The following MYO5B variants were observed in gnomAD, a reference collection of about 807,000 sequenced individuals.
MYO5B encodes the protein myosin VB.
In MYO5B, 143 loss-of-function variants were observed where a neutral mutation model predicts 229.3. The ratio of observed to expected loss-of-function variants is 0.62; its 90% CI spans 0.54 to 0.72. The LOEUF (loss-of-function observed/expected upper bound fraction) is 0.72. Among genes scored for constraint, MYO5B ranks in the 30% least tolerant of loss-of-function variants. The pLI, the probability that MYO5B is intolerant of heterozygous loss-of-function variation, is 0.00. For missense variants in MYO5B, 2,321 were observed against 2,331.0 expected (o/e 1.00, Z 0.09); for synonymous variants, 918 against 885.2 (o/e 1.04, Z -0.66).
chr18:50,097,022 C>G (rs764133107), intron 1 of MYO5B, among the ~76,000 whole-genome samples: 8 of 152,240 alleles, frequency 5.3e-5, no homozygotes, highest in Non-Finnish European at 8.8e-5. Context: ...GAAACCAACA[C>G]TGCAGCATGC....
chr18:49,889,302 G>A (rs192863166), intron 22 of MYO5B, among the ~76,000 whole-genome samples: 1 of 152,200 alleles, frequency 6.6e-6, no homozygotes, highest in Non-Finnish European at 1.5e-5. Context: ...GACTTCAGGA[G>A]CACCTTTAAA....
chr18:50,165,223 A>T (rs1440514771), intron 1 of MYO5B, among the ~76,000 whole-genome samples: 1 of 151,572 alleles, frequency 6.6e-6, no homozygotes, highest in South Asian at 2.1e-4. Context: ...TCATGCCTGT[A>T]ATCAATCCCA....
chr18:49,918,868 A>T (rs1249153135), intron 17 of MYO5B, among the ~76,000 whole-genome samples: 3 of 152,226 alleles, frequency 2.0e-5, no homozygotes, highest in Non-Finnish European at 4.4e-5. Flanking sequence ...TTGGAAGTGT[A>T]CTAGGGATGG....
At chr18:49,963,207 G>A (rs566659183) in intron 10 of MYO5B, among the ~76,000 whole-genome samples, 177 bp from the exon 11 acceptor site, 122 of 152,142 alleles carry the variant, frequency 8.0e-4, no homozygotes, top group South Asian at 3.3e-3. Flanking sequence ...GAGCCTAATT[G>A]AAGAACATGT....
chr18:50,114,849 C>G (rs1416584655), intron 1 of MYO5B, among the ~76,000 whole-genome samples: 1 of 152,198 alleles, frequency 6.6e-6, no homozygotes, highest in Admixed American at 6.5e-5. Flanking sequence ...AAGCCCATGA[C>G]AGGAGGCAGT....
At position 49,856,810 on chromosome 18, in the gene MYO5B, C is replaced by A. The variant is rs751094648; in HGVS notation, c.4022+3G>T. 2 of 1,611,598 alleles carry A rather than the reference C, an allele frequency of 1.2e-6. No homozygotes were observed. The highest frequency in any genetic ancestry group is 1.7e-6 in the Non-Finnish European group (2 of 1,177,642). ...GACACAGGAAGAAAGGAATATGTTCCACCTGGCAACTTGCTTTAGGCCTTG... is the reference window on the plus strand; with the variant it reads ...GACACAGGAAGAAAGGAATATGTTCAACCTGGCAACTTGCTTTAGGCCTTG... On this transcript the variant is annotated splice_donor_region_variant and intron_variant, in intron 30 of 39. Coordinates refer to ENST00000285039, the MANE Select transcript of MYO5B (RefSeq NM_001080467.3).
chr18:49,933,932 G>T (rs2025221726), intron 16 of MYO5B, among the ~76,000 whole-genome samples: 1 of 152,138 alleles, frequency 6.6e-6, no homozygotes, highest in African/African-American at 2.4e-5. Context: ...CTGGAGTGCA[G>T]TGACACAATC....
At chr18:49,876,042 G>C (rs1167039951) in intron 25 of MYO5B, among the ~76,000 whole-genome samples, 3 of 152,294 alleles carry the variant, frequency 2.0e-5, no homozygotes, top group African/African-American at 7.2e-5. Flanking sequence ...GATAACATCT[G>C]AGTCTCAGCC....
In MYO5B at chr18:50,122,854, A is replaced by C. The variant is rs371171778; in HGVS notation, c.28-67476T>G. On this transcript the variant is annotated intron_variant, in intron 1 of 39. Transcript: ENST00000285039. ...GATGTAGAGAAATTGGAACCCTCAG[A>C]CATCGACTGCTGATGTGAATGTAAA... Among the ~76,000 whole-genome samples the C allele has an allele frequency of 3.9e-5, 6 of 151,948 alleles. No individual in the cohort carries two copies. The East Asian group carries it at 9.6e-4, about 24-fold the overall frequency.
At chr18:50,091,682 T>A (rs1410211926) in intron 1 of MYO5B, among the ~76,000 whole-genome samples, 1 of 152,164 alleles carries the variant, frequency 6.6e-6, no homozygotes, top group African/African-American at 2.4e-5. Context: ...CAGCCATTTG[T>A]TTATCAACTG....
intron 5 of MYO5B, among the ~76,000 whole-genome samples, chr18:50,000,816 T>C (rs1225383477): frequency 1.3e-5 from 2 of 152,332 alleles, no homozygotes; most frequent in Non-Finnish European, 2.9e-5. Flanking sequence ...AAAGATAAGA[T>C]GCCCAAATAC....
chr18:50,037,357 T>G (rs1307220785), intron 3 of MYO5B, among the ~76,000 whole-genome samples: 1 of 152,150 alleles, frequency 6.6e-6, no homozygotes, highest in Non-Finnish European at 1.5e-5. Flanking sequence ...GACTTAAAAA[T>G]CCATCTCAGA....
chr18:49,834,157 G>C lies in MYO5B; in HGVS notation c.5394+1187C>G, dbSNP rs150725047. 1.3e-4 allele frequency among the ~76,000 whole-genome samples: 20 copies of C among 152,124 alleles called. 1 individual carries two copies. The East Asian group carries it at 3.9e-3, about 29-fold the overall frequency. ...CTGGATCTACATTGAAACACTGTAA[G>C]GAGCTCCAAATAAAATCCCAGGAGT... On this transcript the variant is annotated intron_variant, in intron 39 of 39. Transcript: ENST00000285039.
intron 30 of MYO5B, 107 bp from the exon 31 acceptor site, chr18:49,853,754 C>T (rs189071162): frequency 2.1e-4 from 212 of 1,008,734 alleles, no homozygotes; most frequent in Admixed American, 1.1e-3. Context: ...ACAGCAGCAG[C>T]GGTTGCACAT....
In MYO5B at chr18:50,152,653, A is replaced by G. The variant is rs138351625; in HGVS notation, c.27+42114T>C. Among the ~76,000 whole-genome samples, 567 of 152,290 alleles carry G rather than the reference A, an allele frequency of 3.7e-3. 5 individuals are homozygous for G. Among genetic ancestry groups the G allele is most frequent in the African/African-American group, 0.013 (541 of 41,558 alleles). On this transcript the variant is annotated intron_variant, in intron 1 of 39. Coordinates refer to ENST00000285039, the MANE Select transcript of MYO5B (RefSeq NM_001080467.3). ...GAGCAGGTAATCAATTCATACAGCC[A>G]CTAACATGCAGGCCCAACTGGCCTA... is the stretch of plus-strand genomic sequence containing the variant.
chr18:50,087,380 C>T (rs1321205282), intron 1 of MYO5B, among the ~76,000 whole-genome samples: 2 of 151,946 alleles, frequency 1.3e-5, no homozygotes, highest in Non-Finnish European at 2.9e-5. Flanking sequence ...ACCATCCTGG[C>T]TAACACGGTG....
At chr18:49,840,685 A>G (rs992190199) in intron 35 of MYO5B, among the ~76,000 whole-genome samples, 1 of 152,248 alleles carries the variant, frequency 6.6e-6, no homozygotes. Context: ...GAATGGAAAC[A>G]AGCCACATAT....
At chr18:50,018,431 T>C (rs1426459565) in intron 4 of MYO5B, among the ~76,000 whole-genome samples, 2 of 152,202 alleles carry the variant, frequency 1.3e-5, no homozygotes, top group African/African-American at 4.8e-5. Flanking sequence ...CCTTATATGC[T>C]ATAAACTGTC....
chr18:49,916,763 T>C (rs2025020086), intron 17 of MYO5B, among the ~76,000 whole-genome samples: 1 of 152,066 alleles, frequency 6.6e-6, no homozygotes, highest in Non-Finnish European at 1.5e-5. Flanking sequence ...GGAAAAGGGC[T>C]GTAAAGATGT....
Sources: allele counts gnomAD v4.1 joint callset (sites outside exome capture counted in the v4.1 genomes callset), GRCh38; gene constraint gnomAD v4.1.1; transcripts MANE v1.5; gene names NCBI Gene and HGNC (gene_info 2026-07-23, HGNC 2026-07-21).